NDUFB3: variants seen among roughly 807,000 people sequenced by gnomAD.
The protein encoded by NDUFB3 is NADH:ubiquinone oxidoreductase subunit B3.
NDUFB3 carries 7 observed loss-of-function variants against 9.0 expected under a neutral mutation model. That is an observed-to-expected ratio of 0.78 (90% CI 0.44 to 1.46). NDUFB3 has a LOEUF of 1.46. NDUFB3 is among the 40% of genes most tolerant of loss of function. NDUFB3 has a pLI of 0.01. For synonymous variants in NDUFB3, 29 were observed against 38.5 expected (o/e 0.75, Z 0.91); for missense variants, 93 against 115.4 (o/e 0.81, Z 0.89).
intron 1 of NDUFB3, among the ~76,000 whole-genome samples, chr2:201,073,696 A>AGGC (rs1471227691): frequency 6.6e-6 from 1 of 151,984 alleles, no homozygotes; most frequent in Non-Finnish European, 1.5e-5. Flanking sequence ...AGAACCTGGG[A>AGGC]GGCGGAGGTT....
At chr2:201,077,756 C>A (rs550988468) in intron 1 of NDUFB3, among the ~76,000 whole-genome samples, 2 of 152,048 alleles carry the variant, frequency 1.3e-5, no homozygotes, top group Non-Finnish European at 2.9e-5. Context: ...AAGGTATTTG[C>A]GGTAGTGTGT....
chr2:201,073,544 G>C (rs961748420), intron 1 of NDUFB3, among the ~76,000 whole-genome samples: 1 of 152,152 alleles, frequency 6.6e-6, no homozygotes, highest in Non-Finnish European at 1.5e-5. Context: ...CGAGGCAGGC[G>C]GATAATGAGG....
At chr2:201,085,349 T>G in intron 2 of NDUFB3, 110 bp from the exon 3 acceptor site, 1 of 755,386 alleles carries the variant, frequency 1.3e-6, no homozygotes, top group Non-Finnish European at 2.0e-6. Context: ...ACTTAAATGA[T>G]CTTCTGTAGG....
At chr2:201,080,701 T>C (rs1402123060) in intron 2 of NDUFB3, among the ~76,000 whole-genome samples, 1 of 83,110 alleles carries the variant, frequency 1.2e-5, no homozygotes, top group Non-Finnish European at 2.2e-5. Context: ...ATCTCCAACT[T>C]TTTTTTTTTT....
chr2:201,075,129 T>C (rs1261257346), intron 1 of NDUFB3, among the ~76,000 whole-genome samples: 2 of 148,836 alleles, frequency 1.3e-5, no homozygotes, highest in African/African-American at 5.0e-5. Flanking sequence ...GAGGAATGCT[T>C]GAGGCCAGGA....
chr2:201,081,150 C>T (rs920750738), intron 2 of NDUFB3, among the ~76,000 whole-genome samples: 2 of 152,012 alleles, frequency 1.3e-5, no homozygotes, highest in Non-Finnish European at 2.9e-5. Flanking sequence ...CATAGATTCA[C>T]AATGGGAATC....
At chr2:201,079,043 T>C in intron 2 of NDUFB3, 21 bp downstream of exon 2, 4 of 1,600,832 alleles carry the variant, frequency 2.5e-6, no homozygotes, top group Non-Finnish European at 3.4e-6. Flanking sequence ...TTAAGTAATT[T>C]AGATAGAATG....
At chr2:201,077,518 C>T (rs1451622944) in intron 1 of NDUFB3, among the ~76,000 whole-genome samples, 4 of 152,162 alleles carry the variant, frequency 2.6e-5, no homozygotes, top group African/African-American at 9.7e-5. Flanking sequence ...CAAACTGCAG[C>T]CTGTGGACCA....
chr2:201,082,454 G>A (rs1264516143), intron 2 of NDUFB3, among the ~76,000 whole-genome samples: 3 of 151,580 alleles, frequency 2.0e-5, no homozygotes, highest in Non-Finnish European at 2.9e-5. Context: ...TTGTTGAGAC[G>A]AGGTTTTCCT....
chr2:201,074,941 G>A (rs2047144910), intron 1 of NDUFB3, among the ~76,000 whole-genome samples: 1 of 152,142 alleles, frequency 6.6e-6, no homozygotes, highest in Non-Finnish European at 1.5e-5. Flanking sequence ...TAAGTGATTT[G>A]CCTTGGATTT....
chr2:201,084,141 T>C (rs1251128780), intron 2 of NDUFB3, among the ~76,000 whole-genome samples: 1 of 152,040 alleles, frequency 6.6e-6, no homozygotes, highest in Non-Finnish European at 1.5e-5. Context: ...ATACAAAAAA[T>C]TAGCTGGATG....
intron 1 of NDUFB3, among the ~76,000 whole-genome samples, chr2:201,076,503 ATATATATAT>A (rs2047164285): frequency 6.8e-6 from 1 of 146,294 alleles, no homozygotes; most frequent in African/African-American, 2.5e-5. Context: ...ATATATATAT[ATATATATAT>A]AATTAAATGT....
At chr2:201,077,679 C>T (rs964235245) in intron 1 of NDUFB3, among the ~76,000 whole-genome samples, 32 of 152,094 alleles carry the variant, frequency 2.1e-4, no homozygotes, top group Non-Finnish European at 4.4e-5. Flanking sequence ...CCATTTTTTT[C>T]GTCAGTAGAC....
intron 1 of NDUFB3, among the ~76,000 whole-genome samples, chr2:201,076,320 C>T (rs1449055718): frequency 6.6e-6 from 1 of 151,306 alleles, no homozygotes; most frequent in Admixed American, 6.6e-5. Flanking sequence ...GACCAGCCTG[C>T]ACAACATAGG....
intron 2 of NDUFB3, among the ~76,000 whole-genome samples, chr2:201,084,928 C>A (rs1033318387): frequency 6.6e-6 from 1 of 152,150 alleles, no homozygotes; most frequent in Admixed American, 6.6e-5. Flanking sequence ...TCAAGTGTTA[C>A]ATACTCCATA....
chr2:201,076,484 A>ATATATATAT (rs2047163767), intron 1 of NDUFB3, among the ~76,000 whole-genome samples: 1 of 120,116 alleles, frequency 8.3e-6, no homozygotes, highest in Non-Finnish European at 1.8e-5. Flanking sequence ...TCTATCTTTA[A>ATATATATAT]ATATATATAT....
At chr2:201,082,107 C>T (rs1353794720) in intron 2 of NDUFB3, among the ~76,000 whole-genome samples, 2 of 151,870 alleles carry the variant, frequency 1.3e-5, no homozygotes, top group Non-Finnish European at 2.9e-5. Flanking sequence ...TGAGCCACCG[C>T]GCCAGGCCTA....
chr2:201,080,109 C>T (rs1250229626), intron 2 of NDUFB3, among the ~76,000 whole-genome samples: 1 of 152,066 alleles, frequency 6.6e-6, no homozygotes, highest in Non-Finnish European at 1.5e-5. Context: ...TATAGTTCTT[C>T]TTACATTCTG....
At chr2:201,080,289 A>T (rs1023498437) in intron 2 of NDUFB3, among the ~76,000 whole-genome samples, 4 of 152,178 alleles carry the variant, frequency 2.6e-5, no homozygotes, top group African/African-American at 9.6e-5. Flanking sequence ...TTGACACTCA[A>T]TGTGGGTGGT....
Sources: allele counts gnomAD v4.1 joint callset (sites outside exome capture counted in the v4.1 genomes callset), GRCh38; gene constraint gnomAD v4.1.1; transcripts MANE v1.5; gene names NCBI Gene and HGNC (gene_info 2026-07-23, HGNC 2026-07-21).